The following PABPC1L variants were observed in gnomAD, a reference collection of about 807,000 sequenced individuals.
The protein encoded by PABPC1L is polyadenylate-binding protein 1-like.
PABPC1L carries 31 observed loss-of-function variants against 66.6 expected under a neutral mutation model. That is an observed-to-expected ratio of 0.47 (90% CI 0.35 to 0.63). PABPC1L has a LOEUF of 0.63. Among genes scored for constraint, PABPC1L ranks in the 20% least tolerant of loss-of-function variants. The pLI is 0.00. For missense variants in PABPC1L, 722 were observed against 848.8 expected, an observed-to-expected ratio of 0.85 and a Z score of 1.86; for synonymous variants, 348 against 335.1, an observed-to-expected ratio of 1.04 and a Z score of -0.42.
chr20:44,919,894 T>C (rs890109808), intron 5 of PABPC1L, among the ~76,000 whole-genome samples: 1 of 152,256 alleles, frequency 6.6e-6, no homozygotes, highest in Non-Finnish European at 1.5e-5. Context: ...ATGTTGATGA[T>C]GCTGTCATGC....
At chr20:44,914,932 A>G (rs1422637507) in intron 2 of PABPC1L, among the ~76,000 whole-genome samples, 1 of 152,214 alleles carries the variant, frequency 6.6e-6, no homozygotes, top group Admixed American at 6.5e-5. Context: ...AGAGGTTAAG[A>G]AATGACTGAA....
intron 9 of PABPC1L, 70 bp from the exon 10 acceptor site, chr20:44,932,984 GCAC>G: frequency 1.0e-6 from 1 of 1,004,450 alleles, no homozygotes; most frequent in Non-Finnish European, 1.5e-6. Context: ...AAGCTTCTAG[GCAC>G]AGTGTGCCAC....
intron 5 of PABPC1L, among the ~76,000 whole-genome samples, chr20:44,920,136 T>C (rs867976899): frequency 7.9e-5 from 12 of 152,206 alleles, no homozygotes; most frequent in South Asian, 2.1e-4. Flanking sequence ...TTACAAGTGA[T>C]TCACTTACTT....
chr20:44,932,332 T>G lies in PABPC1L; in HGVS notation c.1240-10T>G, dbSNP rs2066866537. Reference sequence around the variant, plus strand: ...AAGCCCCTCAGTCTGGGTCTTCTTTTCCCATGCAGCCTCCAGCCCAGGCTG... The same window carrying G: ...AAGCCCCTCAGTCTGGGTCTTCTTTGCCCATGCAGCCTCCAGCCCAGGCTG... On this transcript the variant is annotated splice_polypyrimidine_tract_variant and intron_variant, in intron 8 of 14. Transcript: ENST00000217073. 1 of 1,599,096 alleles carries G rather than the reference T, an allele frequency of 6.3e-7. No homozygotes were observed. The highest frequency in any genetic ancestry group is 1.3e-5 in the African/African-American group (1 of 74,404).
intron 8 of PABPC1L, chr20:44,931,468 T>TC (rs2066859261): frequency 1.3e-5 from 2 of 151,778 alleles, no homozygotes; most frequent in Non-Finnish European, 2.9e-5. Context: ...TAAGCCACCG[T>TC]CCCCCGCCCT....
intron 5 of PABPC1L, among the ~76,000 whole-genome samples, chr20:44,919,955 T>C (rs1254283933): frequency 6.6e-6 from 1 of 152,188 alleles, no homozygotes; most frequent in African/African-American, 2.4e-5. Context: ...CCATGTGTAG[T>C]TGCAGTTAGA....
chr20:44,918,786 A>C, intron 3 of PABPC1L, 120 bp from the exon 4 acceptor site: 1 of 1,238,340 alleles, frequency 8.1e-7, no homozygotes. Flanking sequence ...TGTCCTGCCC[A>C]GTTTCCTGAT....
intron 5 of PABPC1L, among the ~76,000 whole-genome samples, chr20:44,919,788 G>A (rs1310372973): frequency 1.3e-5 from 2 of 152,126 alleles, no homozygotes; most frequent in Non-Finnish European, 2.9e-5. Flanking sequence ...GAGACCAGCT[G>A]GACAAAACGG....
intron 4 of PABPC1L, 24 bp from the exon 5 acceptor site, chr20:44,919,159 T>C (rs777466867): frequency 2.5e-6 from 4 of 1,614,034 alleles, no homozygotes; most frequent in Admixed American, 3.3e-5. Context: ...AGACTCCCCT[T>C]TGAGCCAGGT....
chr20:44,915,201 A>G (rs2066730282), intron 2 of PABPC1L, among the ~76,000 whole-genome samples: 1 of 152,182 alleles, frequency 6.6e-6, no homozygotes, highest in African/African-American at 2.4e-5. Context: ...AAGCTACTAG[A>G]GATTGAAGGG....
At chr20:44,912,591 G>A (rs2066712372) in intron 1 of PABPC1L, 69 bp from the exon 2 acceptor site, 5 of 1,386,008 alleles carry the variant, frequency 3.6e-6, no homozygotes, top group Non-Finnish European at 5.0e-6. Flanking sequence ...TAAGCACCTC[G>A]AGGGGTGGGT....
intron 2 of PABPC1L, 101 bp downstream of exon 2, chr20:44,912,954 T>G: frequency 8.6e-7 from 1 of 1,156,464 alleles, no homozygotes; most frequent in Admixed American, 2.5e-5. Context: ...TACAAGGTCC[T>G]TTCAGTCAAG....
chr20:44,912,595 G>A (rs761255789), intron 1 of PABPC1L, 65 bp from the exon 2 acceptor site: 53 of 1,397,464 alleles, frequency 3.8e-5, no homozygotes, highest in Non-Finnish European at 5.0e-5. Flanking sequence ...CACCTCGAGG[G>A]GTGGGTGATC....
In PABPC1L at chr20:44,938,237, G is replaced by T. The variant is rs747501155; in HGVS notation, c.1791+46G>T. 1.9e-6 allele frequency: 3 copies of T among 1,596,820 alleles called. No individual in the cohort carries two copies. The Admixed American group carries it at 5.4e-5, about 29-fold the overall frequency. ...CAGGGAGCCCGAGGGGGCAGGAGGA[G>T]AGCTAACGACAAGGGCTCTCCTAGT... On this transcript the variant is annotated intron_variant, in intron 13 of 14. Coordinates refer to ENST00000217073, the MANE Select transcript of PABPC1L (RefSeq NM_001372179.1).
intron 1 of PABPC1L, 105 bp downstream of exon 1, chr20:44,910,441 C>A: frequency 7.8e-7 from 1 of 1,274,628 alleles, no homozygotes; most frequent in Non-Finnish European, 1.0e-6. Context: ...CACTTTGCAG[C>A]CGGGGAAACT....
At position 44,921,688 on chromosome 20, in the gene PABPC1L, G is replaced by A. The variant is rs761790341; in HGVS notation, c.833G>A (p.Arg278His). The change falls in exon 6 of 15, where the codon CGC (arginine) becomes CAC (histidine). Residue 278 changes from arginine (R) to histidine (H), a missense_variant. Arg to His is a conservative substitution (Grantham distance 29). Coordinates refer to ENST00000217073, the MANE Select transcript of PABPC1L (RefSeq NM_001372179.1). Reference protein sequence around the residue: ...KRVERQNELKRRFEQMKQDRL... With the variant: ...KRVERQNELKHRFEQMKQDRL... The stretch of plus-strand genomic sequence containing the variant: ...GTGGAGCGGCAGAATGAACTGAAGC[G>A]CAGGTTTGAGCAGATGAAGCAGGAC... 7.4e-6 allele frequency: 12 copies of A among 1,613,762 alleles called. No individual in the cohort carries two copies. The highest frequency in any genetic ancestry group is 2.2e-5 in the East Asian group (1 of 44,854).
chr20:44,927,605 T>G (rs1236975674), intron 7 of PABPC1L, among the ~76,000 whole-genome samples: 1 of 152,138 alleles, frequency 6.6e-6, no homozygotes, highest in African/African-American at 2.4e-5. Flanking sequence ...TGCCTCAGCC[T>G]CCCAAAGTGC....
At chr20:44,915,627 A>T (rs895818173) in intron 2 of PABPC1L, among the ~76,000 whole-genome samples, 1 of 151,966 alleles carries the variant, frequency 6.6e-6, no homozygotes, top group Non-Finnish European at 1.5e-5. Flanking sequence ...GTGAAACTCC[A>T]TCTCTACTAA....
At chr20:44,917,981 C>A (rs534838647) in intron 3 of PABPC1L, among the ~76,000 whole-genome samples, 1 of 152,200 alleles carries the variant, frequency 6.6e-6, no homozygotes, top group South Asian at 2.1e-4. Context: ...TTTTTTTAAT[C>A]TGGGATGCTT....
Sources: gnomAD v4.1 joint callset for allele counts (sites outside exome capture counted in the v4.1 genomes callset) on GRCh38, gnomAD v4.1.1 for gene constraint, MANE v1.5 for transcripts, NCBI Gene and HGNC (gene_info 2026-07-23, HGNC 2026-07-21) for gene names.